The following MCMBP variants were observed in gnomAD, a reference collection of about 807,000 sequenced individuals.
MCMBP encodes mini-chromosome maintenance complex-binding protein.
MCMBP carries 31 observed loss-of-function variants against 81.3 expected under a neutral mutation model. The ratio of observed to expected loss-of-function variants is 0.38; its 90% CI spans 0.29 to 0.51. MCMBP has a LOEUF of 0.51. Ranked by LOEUF, MCMBP falls within the 20% of genes least tolerant of loss-of-function variation. The pLI is 0.87. For missense variants in MCMBP, 645 were observed against 772.1 expected, an observed-to-expected ratio of 0.84 and a Z score of 1.95; for synonymous variants, 267 against 275.9, an observed-to-expected ratio of 0.97 and a Z score of 0.32.
In MCMBP at chr10:119,831,513, C is replaced by T; in HGVS notation, c.1884G>A (p.Arg628=). 2 of 1,614,022 alleles carry T rather than the reference C, an allele frequency of 1.2e-6. No individual in the cohort carries two copies. The highest frequency in any genetic ancestry group is 1.7e-6 in the Non-Finnish European group (2 of 1,179,946). ...CATTCACACATTTTTGCTGCTGAAG[C>T]CTCGTTCTTCTTAAAGACTCTAGCT... ...AKQLESLRRT[R]LQQQKCVNGN... The change falls in exon 16 of 16, where the codon AGG becomes AGA. Residue 628 remains arginine, a synonymous_variant. Transcript: ENST00000369077.
intron 1 of MCMBP, among the ~76,000 whole-genome samples, chr10:119,862,415 T>C (rs1488000507): frequency 2.0e-5 from 3 of 152,218 alleles, no homozygotes; most frequent in Admixed American, 6.5e-5. Flanking sequence ...CCTTACCATA[T>C]TGCTGCAATA....
Position 119,838,553 on chromosome 10 carries a change from CCT to C in MCMBP, c.1388_1389del (p.Gln463ArgfsTer10). 6.2e-7 allele frequency: 1 copy of C among 1,613,882 alleles called. No homozygotes were observed. Among genetic ancestry groups the C allele is most frequent in the Non-Finnish European group, 8.5e-7 (1 of 1,179,866 alleles). ...SLVIDETLLE[Q>X]GQLDTPGVHN... ...TACGTACCTGGGGTATCCAGCTGCCCCTGTTCCAGGAGAGTCTCATCGATTAC... is the reference window on the plus strand; with the variant it reads ...TACGTACCTGGGGTATCCAGCTGCCCGTTCCAGGAGAGTCTCATCGATTAC... On this transcript the variant is annotated frameshift_variant, in exon 12 of 16. Coordinates refer to ENST00000369077, the MANE Select transcript of MCMBP (RefSeq NM_001256378.2). LOFTEE classifies it high-confidence loss of function.
rs750541962 is a variant in MCMBP at position 119,832,092 on chromosome 10, T to A, written c.1716A>T (p.Glu572Asp). 1.2e-4 allele frequency: 188 copies of A among 1,611,580 alleles called. No homozygotes were observed. The highest frequency in any genetic ancestry group is 1.6e-4 in the Non-Finnish European group (184 of 1,179,392). ...SISDEITKAV[E>D]DDFVEMRKND... ...TCTTCCGCATTTCCACAAAGTCATCTTCAACTGCCTTTATCAAAAGAGTAA... is the reference window on the plus strand; with the variant it reads ...TCTTCCGCATTTCCACAAAGTCATCATCAACTGCCTTTATCAAAAGAGTAA... Residue 572 changes from glutamate (E) to aspartate (D), a missense_variant, in exon 15 of 16, where the codon GAA becomes GAT. Glu to Asp is a conservative substitution (Grantham distance 45). Coordinates refer to ENST00000369077, the MANE Select transcript of MCMBP (RefSeq NM_001256378.2).
chr10:119,849,641 C>T (rs1699582485), intron 6 of MCMBP, 65 bp from the exon 7 acceptor site: 1 of 1,429,534 alleles, frequency 7.0e-7, no homozygotes, highest in Middle Eastern at 1.8e-4. Context: ...AAGAACATTC[C>T]ATAAGTGCCT....
intron 12 of MCMBP, 151 bp from the exon 13 acceptor site, chr10:119,837,180 G>C: frequency 1.3e-6 from 1 of 745,312 alleles, no homozygotes; most frequent in South Asian, 2.3e-5. Flanking sequence ...ACGTCACTAA[G>C]TGTGTAGGCT....
intron 9 of MCMBP, 118 bp downstream of exon 9, chr10:119,843,136 A>G (rs1374004261): frequency 8.9e-7 from 1 of 1,121,226 alleles, no homozygotes; most frequent in Non-Finnish European, 1.4e-6. Flanking sequence ...TACTGAAAAC[A>G]CTTATTGTGA....
rs191500481 is a variant in MCMBP at position 119,832,131 on chromosome 10, G to T, written c.1708-31C>A. On this transcript the variant is annotated intron_variant, in intron 14 of 15. Transcript: ENST00000369077. ...TCAAAAGAGTAAATGTAAATGATGT[G>T]CATTTTTGTAAGGAAAAGAAAATTA... 15 of 1,582,716 alleles carry T rather than the reference G, an allele frequency of 9.5e-6. 1 individual carries two copies.
At chr10:119,844,427 G>A (rs1201343174) in intron 8 of MCMBP, among the ~76,000 whole-genome samples, 4 of 152,128 alleles carry the variant, frequency 2.6e-5, no homozygotes, top group Non-Finnish European at 5.9e-5. Context: ...GACAGACAAC[G>A]TTCAATGCCT....
intron 9 of MCMBP, 183 bp from the exon 10 acceptor site, chr10:119,842,778 T>C: frequency 1.6e-6 from 1 of 609,968 alleles, no homozygotes; most frequent in Non-Finnish European, 2.6e-6. Flanking sequence ...TTTTTTTTTT[T>C]TTTGAGACCA....
chr10:119,832,133 A>G (rs1852070606), intron 14 of MCMBP, 33 bp from the exon 15 acceptor site: 1 of 1,587,106 alleles, frequency 6.3e-7, no homozygotes, highest in Non-Finnish European at 8.6e-7. Context: ...AATGATGTGC[A>G]TTTTTGTAAG....
chr10:119,870,952 A>G (rs1042504559), intron 1 of MCMBP, among the ~76,000 whole-genome samples: 1 of 152,240 alleles, frequency 6.6e-6, no homozygotes, highest in Non-Finnish European at 1.5e-5. Flanking sequence ...TTCCTGTACT[A>G]TGATGAGATG....
chr10:119,866,285 A>G (rs1181523062), intron 1 of MCMBP, among the ~76,000 whole-genome samples: 1 of 152,188 alleles, frequency 6.6e-6, no homozygotes, highest in Non-Finnish European at 1.5e-5. Flanking sequence ...GACAGAAGAA[A>G]TGGGAGAGAC....
At chr10:119,870,106 G>C (rs898766237) in intron 1 of MCMBP, among the ~76,000 whole-genome samples, 4 of 152,186 alleles carry the variant, frequency 2.6e-5, no homozygotes, top group African/African-American at 9.6e-5. Context: ...ATATATGACA[G>C]GGTTAATAAG....
intron 8 of MCMBP, 55 bp downstream of exon 8, chr10:119,847,558 A>G: frequency 9.2e-7 from 1 of 1,092,628 alleles, no homozygotes; most frequent in Non-Finnish European, 1.3e-6. Flanking sequence ...ACTCTCCTGA[A>G]AACTTGAAAT....
At chr10:119,836,857 A>T in intron 13 of MCMBP, 39 bp downstream of exon 13, 1 of 1,481,460 alleles carries the variant, frequency 6.8e-7, no homozygotes. Flanking sequence ...GTATTTTTCC[A>T]ATGTCAACCT....
At chr10:119,859,962 A>G in intron 1 of MCMBP, 78 bp from the exon 2 acceptor site, 3 of 1,094,250 alleles carry the variant, frequency 2.7e-6, no homozygotes, top group Non-Finnish European at 4.0e-6. Flanking sequence ...GAGTCACACA[A>G]TAGTTTAGTC....
intron 5 of MCMBP, among the ~76,000 whole-genome samples, chr10:119,854,196 C>T (rs1199367003): frequency 6.6e-6 from 1 of 151,866 alleles, no homozygotes; most frequent in African/African-American, 2.4e-5. Flanking sequence ...TGCCCACCAC[C>T]AAGCCCGGCT....
chr10:119,848,845 TGAA>T (rs1351925683), intron 7 of MCMBP, among the ~76,000 whole-genome samples: 1 of 152,144 alleles, frequency 6.6e-6, no homozygotes, highest in African/African-American at 2.4e-5. Context: ...AAGACAAAAA[TGAA>T]GAAGATATTA....
intron 5 of MCMBP, among the ~76,000 whole-genome samples, chr10:119,856,471 C>T (rs184235163): frequency 1.1e-3 from 168 of 152,160 alleles, no homozygotes; most frequent in Non-Finnish European, 2.1e-3. Flanking sequence ...TATATGAGTC[C>T]ATTTAGATGT....
Sources: allele counts gnomAD v4.1 joint callset (sites outside exome capture counted in the v4.1 genomes callset), GRCh38; gene constraint gnomAD v4.1.1; transcripts MANE v1.5; gene names NCBI Gene and HGNC (gene_info 2026-07-23, HGNC 2026-07-21).